POLR1B: variants seen among roughly 807,000 people sequenced by gnomAD.
POLR1B encodes the protein RNA polymerase I subunit B, also known as DNA-directed RNA polymerase I subunit RPA2.
In POLR1B, 30 loss-of-function variants were observed where a neutral mutation model predicts 105.8. That is an observed-to-expected ratio of 0.28 (90% confidence interval 0.21 to 0.38). The LOEUF (loss-of-function observed/expected upper bound fraction) is 0.38, where lower values mean the gene tolerates loss of function less well. Ranked by LOEUF, POLR1B falls within the 10% of genes least tolerant of loss-of-function variation. The probability of loss-of-function intolerance (pLI) is 1.00; values close to 1 mark genes in which losing one functional copy is unlikely to be tolerated. For missense variants in POLR1B, 976 were observed against 1,435.8 expected (o/e 0.68, Z 5.17); for synonymous variants, 485 against 505.1 (o/e 0.96, Z 0.53).
At chr2:112,563,753 T>G (rs1684132583) in intron 9 of POLR1B, among the ~76,000 whole-genome samples, 1 of 151,812 alleles carries the variant, frequency 6.6e-6, no homozygotes, top group Admixed American at 6.6e-5. Flanking sequence ...AATTTAAAAA[T>G]TAGCCAAGCA....
chr2:112,559,735 A>G (rs2104542970), intron 9 of POLR1B, among the ~76,000 whole-genome samples, 161 bp downstream of exon 9: 2 of 152,198 alleles, frequency 1.3e-5, no homozygotes, highest in South Asian at 4.2e-4. Flanking sequence ...GGTTCACGCC[A>G]TTCTCCTGCC....
intron 13 of POLR1B, among the ~76,000 whole-genome samples, chr2:112,573,089 T>G: frequency 6.6e-6 from 1 of 152,306 alleles, no homozygotes; most frequent in African/African-American, 2.4e-5. Flanking sequence ...TTTTCTTGTT[T>G]TTTGTTTGTT....
rs1358242119 is a variant in POLR1B at position 112,579,114 on chromosome 2, A to G, written c.*3385A>G. 6.7e-6 allele frequency among the ~76,000 whole-genome samples: 1 copy of G among 148,496 alleles called. No individual in the cohort carries two copies. The highest frequency in any genetic ancestry group is 1.5e-5 in the Non-Finnish European group (1 of 67,300). On this transcript the variant is annotated 3_prime_UTR_variant, in exon 15 of 15. Transcript: ENST00000263331. ...TCCCAGCTACTCAGGAGGCTGAGACAGGAGAATCACTTGAACCCAGGAGGC... is the reference window on the plus strand; with the variant it reads ...TCCCAGCTACTCAGGAGGCTGAGACGGGAGAATCACTTGAACCCAGGAGGC...
At chr2:112,574,644 C>T (rs1432330197) in intron 14 of POLR1B, among the ~76,000 whole-genome samples, 1 of 150,288 alleles carries the variant, frequency 6.7e-6, no homozygotes, top group Non-Finnish European at 1.5e-5. Flanking sequence ...ATTGCTTGAA[C>T]CCGGAAAGTC....
In POLR1B at chr2:112,559,427, C is replaced by G; in HGVS notation, c.1465C>G (p.Leu489Val). The G allele has an allele frequency of 6.2e-7, 1 of 1,614,250 alleles. No homozygotes were observed. Among genetic ancestry groups the G allele is most frequent in the Non-Finnish European group, 8.5e-7 (1 of 1,180,046 alleles). Residue 489 changes from leucine (L) to valine (V), a missense_variant, in exon 9 of 15, where the codon CTG becomes GTG. Leu to Val is a conservative substitution (Grantham distance 32). Coordinates refer to ENST00000263331, the MANE Select transcript of POLR1B (RefSeq NM_019014.6). Reference sequence around the variant, plus strand: ...GATGAGGACCACCACAGTACGCAGGCTGCTGCCAGAGTCCTGGGGCTTCCT... The same window carrying G: ...GATGAGGACCACCACAGTACGCAGGGTGCTGCCAGAGTCCTGGGGCTTCCT... ...AKMRTTTVRRLLPESWGFLCP... is the reference protein window; with the variant it reads ...AKMRTTTVRRVLPESWGFLCP...
chr2:112,568,808 A>G lies in POLR1B; in HGVS notation c.1980A>G (p.Glu660=). 1 of 1,613,852 alleles carries G rather than the reference A, an allele frequency of 6.2e-7. No homozygotes were observed. The change falls in exon 12 of 15, where the codon GAA becomes GAG. Residue 660 remains glutamate (E), a synonymous_variant. Coordinates refer to ENST00000263331, the MANE Select transcript of POLR1B (RefSeq NM_019014.6). ...EVFAGVTTHQ[E]LFPHSLLSVI... is the part of the protein sequence containing the mutation. ...TTGCTGGAGTTACCACACACCAGGA[A>G]CTCTTTCCACACAGCCTGCTGAGTG...
chr2:112,542,571 T>C lies in POLR1B; in HGVS notation c.77T>C (p.Ile26Thr), dbSNP rs1245685299. The C allele has an allele frequency of 6.2e-7, 1 of 1,614,090 alleles. No homozygotes were observed. Among genetic ancestry groups the C allele is most frequent in the Non-Finnish European group, 8.5e-7 (1 of 1,180,034 alleles). Residue 26 changes from isoleucine (I) to threonine (T), a missense_variant, in exon 1 of 15, where the codon ATC becomes ACC. By Grantham distance (89) the Ile-to-Thr change is moderately conservative (BLOSUM62 -1). Transcript: ENST00000263331. Reference protein sequence around the residue: ...LKHLTDPSYGIPREQQKAALQ... With the variant: ...LKHLTDPSYGTPREQQKAALQ... ...CACTTGACTGACCCCTCTTATGGAA[T>C]CCCGCGGGAACAGCAAAAGGCAGCG...
At chr2:112,551,199 G>A (rs1181648347) in intron 5 of POLR1B, among the ~76,000 whole-genome samples, 197 bp downstream of exon 5, 2 of 152,154 alleles carry the variant, frequency 1.3e-5, no homozygotes, top group Non-Finnish European at 2.9e-5. Context: ...CGGGAGTTTG[G>A]GAGTGCTTTG....
chr2:112,578,372 GTTC>G lies in POLR1B; in HGVS notation c.*2647_*2649del, dbSNP rs1684957329. Among the ~76,000 whole-genome samples the G allele has an allele frequency of 6.6e-6, 1 of 152,096 alleles. No individual in the cohort carries two copies. Among genetic ancestry groups the G allele is most frequent in the Non-Finnish European group, 1.5e-5 (1 of 68,016 alleles). ...TCTAACCCCTGGAAACCACTAATCT[GTTC>G]TTCATAATTTTCTTATTTCAAGAAT... On this transcript the variant is annotated 3_prime_UTR_variant, in exon 15 of 15. Transcript: ENST00000263331.
At chr2:112,569,637 G>A (rs1245869125) in intron 12 of POLR1B, among the ~76,000 whole-genome samples, 1 of 149,926 alleles carries the variant, frequency 6.7e-6, no homozygotes, top group Non-Finnish European at 1.5e-5. Flanking sequence ...TCGGCTTACT[G>A]CAACCTCTGT....
chr2:112,571,738 A>G (rs776949748), intron 12 of POLR1B, among the ~76,000 whole-genome samples: 14 of 152,236 alleles, frequency 9.2e-5, no homozygotes, highest in South Asian at 2.1e-4. Flanking sequence ...TGGTTCTTCA[A>G]GCCAGTAAGA....
rs1339319311 is a variant in POLR1B, at chr2:112,566,502, G to T, written c.1747-1465G>T. Among the ~76,000 whole-genome samples, 3 of 152,214 alleles carry T rather than the reference G, an allele frequency of 2.0e-5. No homozygotes were observed. In the South Asian group the frequency reaches 6.2e-4, roughly 32 times the overall value. ...ATTAGTTGCTATTCTGTAAGGGAGG[G>T]CTTTCTTTTCTATTAGTTGTTCATT... On this transcript the variant is annotated intron_variant, in intron 10 of 14. Coordinates refer to ENST00000263331, the MANE Select transcript of POLR1B (RefSeq NM_019014.6).
At chr2:112,547,756 G>A (rs896827629) in intron 3 of POLR1B, among the ~76,000 whole-genome samples, 189 bp downstream of exon 3, 4 of 152,028 alleles carry the variant, frequency 2.6e-5, no homozygotes, top group Non-Finnish European at 4.4e-5. Flanking sequence ...AAAAGTGGCT[G>A]TAAAATTAGA....
In POLR1B at chr2:112,557,972, C is replaced by G; in HGVS notation, c.1221C>G (p.Thr407=). 1 of 1,414,300 alleles carries G rather than the reference C, an allele frequency of 7.1e-7. No homozygotes were observed. The highest frequency in any genetic ancestry group is 9.3e-7 in the Non-Finnish European group (1 of 1,070,026). 87.6% of individuals were successfully genotyped at this position (1,414,300 alleles called of 1,614,324 possible). The part of the protein sequence containing the change: ...KIAFDKKAQK[T]SVSMNTDNLM... ...CTTTTGATAAGAAGGCTCAGAAGACCAGTGTTTCCATGAACACTGACAATT... is the reference window on the plus strand; with the variant it reads ...CTTTTGATAAGAAGGCTCAGAAGACGAGTGTTTCCATGAACACTGACAATT... Residue 407 remains threonine, a synonymous_variant, in exon 8 of 15, where the codon ACC becomes ACG. Coordinates refer to ENST00000263331, the MANE Select transcript of POLR1B (RefSeq NM_019014.6).
Position 112,574,915 on chromosome 2 carries a change from A to G in POLR1B, c.2594A>G (p.Lys865Arg). ...CSNDTGSGKF[K>R]CVCITMRVPR... ...AATGACACTGGGAGTGGAAAATTCA[A>G]GTGTGTTTGCATCACTATGAGAGTG... is the stretch of plus-strand genomic sequence containing the variant. The change falls in exon 15 of 15, where the codon AAG becomes AGG. Residue 865 changes from lysine (K) to arginine (R), a missense_variant. By Grantham distance (26) the Lys-to-Arg change is conservative (BLOSUM62 2). Coordinates refer to ENST00000263331, the MANE Select transcript of POLR1B (RefSeq NM_019014.6). 6.2e-7 allele frequency: 1 copy of G among 1,614,134 alleles called. No homozygotes were observed. The highest frequency in any genetic ancestry group is 2.2e-5 in the East Asian group (1 of 44,880).
At chr2:112,566,140 G>A (rs1415588808) in intron 10 of POLR1B, among the ~76,000 whole-genome samples, 1 of 152,080 alleles carries the variant, frequency 6.6e-6, no homozygotes, top group African/African-American at 2.4e-5. Flanking sequence ...CAGCTCTCCT[G>A]TAATTTAGGT....
At chr2:112,542,201 A>C, upstream of POLR1B, 1 of 1,535,636 alleles carries the variant, frequency 6.5e-7, no homozygotes, top group Admixed American at 2.0e-5. Flanking sequence ...GCGGGTTTCC[A>C]CCTGCGGCAT....
chr2:112,543,684 A>G (rs1682884002), intron 1 of POLR1B, among the ~76,000 whole-genome samples: 1 of 152,028 alleles, frequency 6.6e-6, no homozygotes, highest in South Asian at 2.1e-4. Flanking sequence ...GGCAAATAAT[A>G]TGGGAGCCAT....
At chr2:112,563,980 A>G (rs955672223) in intron 9 of POLR1B, among the ~76,000 whole-genome samples, 2 of 152,324 alleles carry the variant, frequency 1.3e-5, no homozygotes, top group South Asian at 2.1e-4. Context: ...GATTGCAGCA[A>G]TTCACTCATA....
Sources: gnomAD v4.1 joint callset for allele counts (sites outside exome capture counted in the v4.1 genomes callset) on GRCh38, gnomAD v4.1.1 for gene constraint, MANE v1.5 for transcripts, NCBI Gene and HGNC (gene_info 2026-07-23, HGNC 2026-07-21) for gene names.